Variants in ACTN1 observed in about 807,000 individuals in gnomAD.
The protein encoded by ACTN1 is actinin alpha 1.
A neutral mutation model predicts 119.6 loss-of-function variants in ACTN1; 30 were observed. The observed-to-expected ratio is 0.25, with a 90% CI of 0.19 to 0.34. The LOEUF (loss-of-function observed/expected upper bound fraction) is 0.34, where lower values mean the gene tolerates loss of function less well. Ranked by LOEUF, ACTN1 falls within the 10% of genes least tolerant of loss-of-function variation. The probability of loss-of-function intolerance (pLI) is 1.00; values close to 1 mark genes in which losing one functional copy is unlikely to be tolerated. For missense variants in ACTN1, 764 were observed against 1,223.4 expected, an observed-to-expected ratio of 0.62 and a Z score of 5.60; for synonymous variants, 429 against 472.6, an observed-to-expected ratio of 0.91 and a Z score of 1.20.
intron 8 of ACTN1, among the ~76,000 whole-genome samples, chr14:68,901,249 GT>G (rs564351239): frequency 0.021 from 2,223 of 103,412 alleles, 32 homozygotes; most frequent in African/African-American, 0.056. Context: ...TTTTTGTTTT[GT>G]TTTTTTTTTT....
At chr14:68,883,748 A>C (rs2031763139) in intron 14 of ACTN1, among the ~76,000 whole-genome samples, 1 of 152,210 alleles carries the variant, frequency 6.6e-6, no homozygotes, top group African/African-American at 2.4e-5. Context: ...ACTGCACTCC[A>C]GCCTGGGTGA....
chr14:68,893,809 C>T (rs1374151913), intron 8 of ACTN1, 62 bp from the exon 9 acceptor site: 10 of 1,529,130 alleles, frequency 6.5e-6, no homozygotes, highest in Non-Finnish European at 7.2e-6. Context: ...ACCTGGTACA[C>T]ACCTGTGCTG....
intron 3 of ACTN1, among the ~76,000 whole-genome samples, chr14:68,912,935 AC>A (rs1316029021): frequency 6.6e-6 from 1 of 152,188 alleles, no homozygotes; most frequent in Non-Finnish European, 1.5e-5. Flanking sequence ...CAAAATAGCC[AC>A]CCACACGTGG....
At chr14:68,876,748 G>A (rs1167658999) in intron 21 of ACTN1, among the ~76,000 whole-genome samples, 1 of 152,158 alleles carries the variant, frequency 6.6e-6, no homozygotes, top group African/African-American at 2.4e-5. Context: ...GACCAAGGGT[G>A]AAGTCCCAGG....
At chr14:68,912,100 A>T in intron 4 of ACTN1, 56 bp downstream of exon 4, 2 of 1,554,170 alleles carry the variant, frequency 1.3e-6, no homozygotes, top group Non-Finnish European at 1.8e-6. Flanking sequence ...CTCCAGGCTA[A>T]GCCCAGGGAG....
At chr14:68,875,147 C>G in intron 21 of ACTN1, 130 bp from the exon 22 acceptor site, 5 of 1,537,864 alleles carry the variant, frequency 3.3e-6, no homozygotes, top group Non-Finnish European at 4.4e-6. Flanking sequence ...CCTCCTGTAA[C>G]TACAGGATGT....
At chr14:68,891,950 C>G (rs543388314) in intron 10 of ACTN1, 103 bp downstream of exon 10, 1 of 1,393,178 alleles carries the variant, frequency 7.2e-7, no homozygotes, top group Admixed American at 2.3e-5. Context: ...GAAGCAAACA[C>G]GCCCATCCGC....
intron 1 of ACTN1, among the ~76,000 whole-genome samples, chr14:68,959,805 G>C (rs2036467509): frequency 6.6e-6 from 1 of 152,134 alleles, no homozygotes; most frequent in South Asian, 2.1e-4. Flanking sequence ...TGAGTCCCCA[G>C]AACATGTGGG....
intron 1 of ACTN1, among the ~76,000 whole-genome samples, chr14:68,931,025 A>G (rs2035200191): frequency 6.6e-6 from 1 of 152,080 alleles, no homozygotes; most frequent in Non-Finnish European, 1.5e-5. Context: ...TATATTCACA[A>G]CTCAACCTCC....
At chr14:68,927,774 T>C (rs938230855) in intron 1 of ACTN1, among the ~76,000 whole-genome samples, 6 of 152,244 alleles carry the variant, frequency 3.9e-5, no homozygotes, top group Non-Finnish European at 8.8e-5. Context: ...CTTCTTTTTA[T>C]TGGTAGAAAA....
At chr14:68,970,928 C>A (rs565412551) in intron 1 of ACTN1, among the ~76,000 whole-genome samples, 1 of 152,310 alleles carries the variant, frequency 6.6e-6, no homozygotes, top group South Asian at 2.1e-4. Flanking sequence ...CCTTACTTTC[C>A]CTGCATGTAA....
chr14:68,897,393 A>G (rs182263120), intron 8 of ACTN1, among the ~76,000 whole-genome samples: 1 of 152,306 alleles, frequency 6.6e-6, no homozygotes, highest in East Asian at 1.9e-4. Flanking sequence ...ATGAACTATT[A>G]TTATCCCTGG....
At chr14:68,875,988 G>A (rs983281880) in intron 21 of ACTN1, among the ~76,000 whole-genome samples, 81 of 151,966 alleles carry the variant, frequency 5.3e-4, no homozygotes, top group African/African-American at 1.8e-3. Flanking sequence ...CTTTTGCTTC[G>A]CTAACTGATT....
chr14:68,977,413 C>G (rs561545868), intron 1 of ACTN1: 6 of 153,198 alleles, frequency 3.9e-5, no homozygotes, highest in African/African-American at 1.4e-4. Flanking sequence ...GTTTAAGCAA[C>G]TGGCACATTA....
At chr14:68,929,687 G>C (rs2035126454) in intron 1 of ACTN1, among the ~76,000 whole-genome samples, 2 of 152,184 alleles carry the variant, frequency 1.3e-5, no homozygotes, top group Non-Finnish European at 2.9e-5. Flanking sequence ...CCGCAGAGCA[G>C]CGGCAACGGC....
At chr14:68,967,940 C>T (rs1301151435) in intron 1 of ACTN1, among the ~76,000 whole-genome samples, 5 of 152,380 alleles carry the variant, frequency 3.3e-5, no homozygotes, top group Middle Eastern at 3.4e-3. Context: ...AAAATATAAA[C>T]TCATTTAGAA....
chr14:68,917,029 G>A (rs1393099902), intron 3 of ACTN1, among the ~76,000 whole-genome samples: 1 of 152,020 alleles, frequency 6.6e-6, no homozygotes, highest in Admixed American at 6.6e-5. Context: ...CCACCTCCAT[G>A]CTCACAGCAC....
rs758944366 is a variant in ACTN1, at chr14:68,978,920, G to GGGGGCTGGGGGCTA, written c.105+31_105+32insTAGCCCCCAGCCCC. Reference sequence around the variant, plus strand: ...GGGTCGGGGCTGGGGGCTGGGGGCTGGGGGCTGCAGCGGGCGGGGGCGGCT... The same window carrying GGGGGCTGGGGGCTA: ...GGGTCGGGGCTGGGGGCTGGGGGCTGGGGGCTGGGGGCTAGGGGCTGCAGCGGGCGGGGGCGGCT... On this transcript the variant is annotated intron_variant, in intron 1 of 21. Transcript: ENST00000394419. The GGGGGCTGGGGGCTA allele has an allele frequency of 8.4e-5, 121 of 1,443,534 alleles. 2 individuals carry two copies. The Middle Eastern group carries it at 1.7e-3, about 20-fold the overall frequency. The allele number at this position is 1,443,534 out of a possible 1,614,324, so 89.4% of individuals were successfully genotyped here. A position where few individuals can be genotyped will look rare whatever the true frequency, so the allele number is the denominator to read the frequency against.
intron 14 of ACTN1, 47 bp from the exon 15 acceptor site, chr14:68,883,102 T>C (rs201840732): frequency 6.3e-7 from 1 of 1,587,522 alleles, no homozygotes; most frequent in East Asian, 2.2e-5. Context: ...AAGGGAGCGC[T>C]AGAAGTGAGT....
Sources: gnomAD v4.1 joint callset for allele counts (sites outside exome capture counted in the v4.1 genomes callset) on GRCh38, gnomAD v4.1.1 for gene constraint, MANE v1.5 for transcripts, NCBI Gene and HGNC (gene_info 2026-07-23, HGNC 2026-07-21) for gene names.